CORO1A: variants seen among roughly 807,000 people sequenced by gnomAD.
CORO1A encodes the protein coronin-1A.
CORO1A carries 17 observed loss-of-function variants against 44.1 expected under a neutral mutation model. The observed-to-expected ratio is 0.39, with a 90% confidence interval of 0.26 to 0.58. CORO1A has a LOEUF of 0.58. Ranked by LOEUF, CORO1A falls within the 20% of genes least tolerant of loss-of-function variation. The pLI is 0.62. For synonymous variants in CORO1A, 271 were observed against 244.2 expected (o/e 1.11, Z -1.02); for missense variants, 415 against 606.5 (o/e 0.68, Z 3.32).
intron 6 of CORO1A, 43 bp downstream of exon 6, chr16:30,187,544 C>T (rs751043826): frequency 3.8e-6 from 6 of 1,583,032 alleles, no homozygotes; most frequent in African/African-American, 2.7e-5. Flanking sequence ...AGGCTGGGAA[C>T]CAAGACTGGA....
rs1159304298 is a variant in CORO1A at position 30,187,371 on chromosome 16, T to C, written c.637-11T>C. ...ACGGGTGCCTGACCTACCACCTCCCTTTCCTTGCAGGAGAAGGACCGTCCC... is the reference window on the plus strand; with the variant it reads ...ACGGGTGCCTGACCTACCACCTCCCCTTCCTTGCAGGAGAAGGACCGTCCC... On this transcript the variant is annotated splice_polypyrimidine_tract_variant and intron_variant, in intron 5 of 10. Coordinates refer to ENST00000219150, the MANE Select transcript of CORO1A (RefSeq NM_007074.4). The C allele has an allele frequency of 6.2e-7, 1 of 1,610,072 alleles. No individual in the cohort carries two copies. Among genetic ancestry groups the C allele is most frequent in the Non-Finnish European group, 8.5e-7 (1 of 1,179,986 alleles).
chr16:30,188,154 C>A, intron 8 of CORO1A, 38 bp from the exon 9 acceptor site: 1 of 1,613,668 alleles, frequency 6.2e-7, no homozygotes, highest in Non-Finnish European at 8.5e-7. Context: ...GCCCACCCAA[C>A]CAGACTGTGG....
In CORO1A at chr16:30,184,819, A is replaced by T; in HGVS notation, c.-1-390A>T. The T allele has an allele frequency of 2.9e-6, 1 of 346,450 alleles. No homozygotes were observed. Among genetic ancestry groups the T allele is most frequent in the Non-Finnish European group, 5.6e-6 (1 of 179,166 alleles). The allele number at this position is 346,450 out of a possible 1,614,324, so 21.5% of individuals were successfully genotyped here. On this transcript the variant is annotated intron_variant, in intron 1 of 10. Transcript: ENST00000219150. The surrounding 1 kb of genome is among the most constrained non-coding windows in gnomAD (Gnocchi z 4.3). ...AGGTGGGCTCTGGACACGGTAACTA[A>T]GAGAGAACCCACCCTCGGAGCCATC...
chr16:30,188,520 G>C lies in CORO1A; in HGVS notation c.1225G>C (p.Gly409Arg), dbSNP rs761837722. The C allele has an allele frequency of 9.3e-6, 15 of 1,612,858 alleles. No homozygotes were observed. Among genetic ancestry groups the C allele is most frequent in the Middle Eastern group, 1.7e-4 (1 of 5,982 alleles). ...PKSRELRVNRGLDTGRRRAAP... is the reference protein window; with the variant it reads ...PKSRELRVNRRLDTGRRRAAP... ...GAGCCGGGAGCTGAGGGTCAACCGG[G>C]GCCTGGACACCGGGCGCAGGAGGGC... Residue 409 changes from glycine (G) to arginine (R), a missense_variant, in exon 10 of 11, where the codon GGC becomes CGC. Gly to Arg is a moderately radical substitution (Grantham distance 125). This residue lies in a region of CORO1A where 90 missense variants were observed against 84.7 expected (regional missense o/e 1.06). Transcript: ENST00000219150.
In CORO1A at chr16:30,184,839, G is replaced by C. The variant is rs1195654453; in HGVS notation, c.-1-370G>C. On this transcript the variant is annotated intron_variant, in intron 1 of 10. Coordinates refer to ENST00000219150, the MANE Select transcript of CORO1A (RefSeq NM_007074.4). The surrounding 1 kb of genome is among the most constrained non-coding windows in gnomAD (Gnocchi z 4.3). ...AACTAAGAGAGAACCCACCCTCGGA[G>C]CCATCTGGGCTGATGACGCCTGAGT... The C allele has an allele frequency of 2.7e-6, 1 of 367,332 alleles. No homozygotes were observed. The highest frequency in any genetic ancestry group is 5.2e-6 in the Non-Finnish European group (1 of 192,140). The allele number at this position is 367,332 out of a possible 1,614,324, so 22.8% of individuals were successfully genotyped here.
At position 30,183,835 on chromosome 16, in the gene CORO1A, A is replaced by G. The variant is rs908886133; in HGVS notation, c.-2+110A>G. The G allele has an allele frequency of 1.3e-5, 2 of 151,452 alleles. No individual in the cohort carries two copies. Among genetic ancestry groups the G allele is most frequent in the Admixed American group, 1.3e-4 (2 of 15,196 alleles). The allele number at this position is 151,452 out of a possible 1,614,324, so 9.4% of individuals were successfully genotyped here. On this transcript the variant is annotated intron_variant, in intron 1 of 10. Transcript: ENST00000219150. The surrounding 1 kb of genome is among the most constrained non-coding windows in gnomAD (Gnocchi z 5.0). ...GGGCGCGCGGCTGTCACCGCGACCCAGCCAGCGCCGGGGCCAGGTAGCGGG... is the reference window on the plus strand; with the variant it reads ...GGGCGCGCGGCTGTCACCGCGACCCGGCCAGCGCCGGGGCCAGGTAGCGGG...
At position 30,187,510 on chromosome 16, in the gene CORO1A, TG is replaced by T. The variant is rs776285526; in HGVS notation, c.756+13del. 1.2e-6 allele frequency: 2 copies of T among 1,601,362 alleles called. No homozygotes were observed. The highest frequency in any genetic ancestry group is 1.3e-5 in the African/African-American group (1 of 74,876). On this transcript the variant is annotated intron_variant, in intron 6 of 10. Coordinates refer to ENST00000219150, the MANE Select transcript of CORO1A (RefSeq NM_007074.4). The stretch of plus-strand genomic sequence containing the variant: ...TGGCGCTGTGGGACACAGTGAGTGC[TG>T]GGGCAGGAAGCCGAGGGCCCCCAGG...
intron 1 of CORO1A, 81 bp from the exon 2 acceptor site, chr16:30,185,128 G>A (rs200434089): frequency 2.8e-5 from 39 of 1,384,576 alleles, no homozygotes; most frequent in East Asian, 9.2e-5. Context: ...CAGACTGAGG[G>A]GTGTCCTGGG....
chr16:30,185,447 G>C (rs762756961), intron 2 of CORO1A, 40 bp downstream of exon 2: 3 of 1,573,450 alleles, frequency 1.9e-6, no homozygotes, highest in Non-Finnish European at 2.6e-6. Flanking sequence ...CTCCTCCACC[G>C]GACCCATGGC....
chr16:30,188,201 G>A lies in CORO1A; in HGVS notation c.1017G>A (p.Lys339=). 3 of 1,614,134 alleles carry A rather than the reference G, an allele frequency of 1.9e-6. No homozygotes were observed. The highest frequency in any genetic ancestry group is 2.5e-6 in the Non-Finnish European group (3 of 1,180,014). The change falls in exon 9 of 11, where the codon AAG becomes AAA. Residue 339 remains lysine (K), a synonymous_variant. Coordinates refer to ENST00000219150, the MANE Select transcript of CORO1A (RefSeq NM_007074.4). The stretch of plus-strand genomic sequence containing the variant: ...CTTCCCCTTCCCACAGGTTCTACAA[G>A]CTGCACGAGCGGAGGTGTGAGCCCA... ...VNKCEIARFY[K]LHERRCEPIA...
chr16:30,188,161 G>A lies in CORO1A; in HGVS notation c.1008-31G>A, dbSNP rs764616547. 13 of 1,613,856 alleles carry A rather than the reference G, an allele frequency of 8.1e-6. No individual in the cohort carries two copies. In the Admixed American group the frequency reaches 1.0e-4, roughly 12 times the overall value. On this transcript the variant is annotated intron_variant, in intron 8 of 10. Coordinates refer to ENST00000219150, the MANE Select transcript of CORO1A (RefSeq NM_007074.4). ...AGTCCCAAGCCCACCCAACCAGACTGTGGGCCCCGCTCACCTTCCCCTTCC... is the reference window on the plus strand; with the variant it reads ...AGTCCCAAGCCCACCCAACCAGACTATGGGCCCCGCTCACCTTCCCCTTCC...
chr16:30,187,874 G>C, intron 7 of CORO1A, 45 bp downstream of exon 7: 1 of 1,607,712 alleles, frequency 6.2e-7, no homozygotes, highest in Non-Finnish European at 8.5e-7. Flanking sequence ...GGCAGGATGG[G>C]CCTGGAGAGG....
intron 9 of CORO1A, 53 bp from the exon 10 acceptor site, chr16:30,188,308 G>C: frequency 1.9e-6 from 3 of 1,610,630 alleles, no homozygotes; most frequent in Non-Finnish European, 1.7e-6. Context: ...GCGGTCTTGT[G>C]GGGGGTGTCC....
At chr16:30,188,143 A>G (rs781445714) in intron 8 of CORO1A, 49 bp from the exon 9 acceptor site, 9 of 1,613,432 alleles carry the variant, frequency 5.6e-6, no homozygotes, top group Non-Finnish European at 7.6e-6. Context: ...GGCAGTCCCA[A>G]GCCCACCCAA....
At position 30,187,799 on chromosome 16, in the gene CORO1A, T is replaced by A; in HGVS notation, c.831T>A (p.Pro277=). 7.1e-7 allele frequency: 1 copy of A among 1,412,098 alleles called. No homozygotes were observed. Among genetic ancestry groups the A allele is most frequent in the Non-Finnish European group, 9.4e-7 (1 of 1,062,020 alleles). The allele number at this position is 1,412,098 out of a possible 1,614,324, so 87.5% of individuals were successfully genotyped here. Residue 277 remains proline (P), a synonymous_variant, in exon 7 of 11, where the codon CCT becomes CCA. Transcript: ENST00000219150. ...GTGTCCTGCTGCCCTTCTTTGACCCTGACACCAACATCGTCTACCTCTGTG... is the reference window on the plus strand; with the variant it reads ...GTGTCCTGCTGCCCTTCTTTGACCCAGACACCAACATCGTCTACCTCTGTG... ...SSGVLLPFFD[P]DTNIVYLCGK... is the part of the protein sequence containing the mutation.
At chr16:30,185,893 T>A (rs1596916885) in intron 2 of CORO1A, 1 of 216,252 alleles carries the variant, frequency 4.6e-6, no homozygotes, top group Non-Finnish European at 9.5e-6. Context: ...CCCCCTCCGC[T>A]GGCTGGCTGC....
rs1379827837 is a variant in CORO1A, at chr16:30,183,991, AG to A, written c.-2+269del. 6.9e-6 allele frequency: 1 copy of A among 145,196 alleles called. No individual in the cohort carries two copies. The highest frequency in any genetic ancestry group is 2.6e-5 in the African/African-American group (1 of 38,634). 9.0% of individuals were successfully genotyped at this position (145,196 alleles called of 1,614,324 possible). Reference sequence around the variant, plus strand: ...GTGGCCGGGGGTCAGCACAGTGTCGAGGGCCCGACTCCCCACGGAATTGAGT... The same window carrying A: ...GTGGCCGGGGGTCAGCACAGTGTCGAGGCCCGACTCCCCACGGAATTGAGT... On this transcript the variant is annotated intron_variant, in intron 1 of 10. Coordinates refer to ENST00000219150, the MANE Select transcript of CORO1A (RefSeq NM_007074.4). This position sits in a 1 kb window ranked among gnomAD's most constrained non-coding sequence, Gnocchi z 5.0.
chr16:30,187,741 CG>C lies in CORO1A; in HGVS notation c.774del (p.Leu259CysfsTer71). The C allele has an allele frequency of 6.2e-7, 1 of 1,611,104 alleles. No homozygotes were observed. The highest frequency in any genetic ancestry group is 8.5e-7 in the Non-Finnish European group (1 of 1,178,004). On this transcript the variant is annotated frameshift_variant, in exon 7 of 11. Transcript: ENST00000219150. LOFTEE classifies it high-confidence loss of function. ...TGTCTACAGAAGCACCTGGAGGAGC[CG>C]CTGTCCCTGCAGGAGCTGGACACCA... ...ALWDTKHLEE[P>X]LSLQELDTSS... is the part of the protein sequence containing the mutation.
chr16:30,187,515 C>T lies in CORO1A; in HGVS notation c.756+14C>T. 1 of 1,599,468 alleles carries T rather than the reference C, an allele frequency of 6.3e-7. No homozygotes were observed. The highest frequency in any genetic ancestry group is 8.5e-7 in the Non-Finnish European group (1 of 1,178,706). On this transcript the variant is annotated intron_variant, in intron 6 of 10. Transcript: ENST00000219150. ...CTGTGGGACACAGTGAGTGCTGGGG[C>T]AGGAAGCCGAGGGCCCCCAGGCTGG...
Sources: gnomAD v4.1 joint callset for allele counts on GRCh38, gnomAD v4.1.1 for gene constraint, gnomAD v4.1.1 regional missense constraint, Gnocchi (gnomAD v3.1) non-coding constraint, MANE v1.5 for transcripts, NCBI Gene and HGNC (gene_info 2026-07-23, HGNC 2026-07-21) for gene names.